The following MKLN1 variants were observed in gnomAD, a reference collection of about 807,000 sequenced individuals.
The protein encoded by MKLN1 is muskelin.
A neutral mutation model predicts 99.0 loss-of-function variants in MKLN1; 18 were observed. The ratio of observed to expected loss-of-function variants is 0.18; its 90% CI spans 0.13 to 0.27. MKLN1 has a LOEUF of 0.27. Ranked by LOEUF, MKLN1 falls within the 10% of genes least tolerant of loss-of-function variation. The pLI is 1.00. For missense variants in MKLN1, 621 were observed against 875.9 expected, an observed-to-expected ratio of 0.71 and a Z score of 3.67; for synonymous variants, 288 against 293.2, an observed-to-expected ratio of 0.98 and a Z score of 0.18.
chr7:131,351,723 A>G (rs1799724978), intron 1 of MKLN1, among the ~76,000 whole-genome samples: 1 of 152,092 alleles, frequency 6.6e-6, no homozygotes, highest in African/African-American at 2.4e-5. Context: ...ATTGGCCTCC[A>G]TCAGTTTTTT....
chr7:131,480,291 A>T (rs1446777644), intron 17 of MKLN1, among the ~76,000 whole-genome samples: 1 of 152,200 alleles, frequency 6.6e-6, no homozygotes, highest in Non-Finnish European at 1.5e-5. Context: ...TGTAATATAA[A>T]TACTATTTTT....
At chr7:131,271,347 G>A (rs534886091) in intron 3 of MKLN1, among the ~76,000 whole-genome samples, 13 of 152,276 alleles carry the variant, frequency 8.5e-5, no homozygotes, top group South Asian at 2.1e-4. Flanking sequence ...GGCCTGGCAC[G>A]GTGGCTCATG....
At chr7:131,399,207 C>G in intron 5 of MKLN1, 34 bp from the exon 6 acceptor site, 1 of 1,577,476 alleles carries the variant, frequency 6.3e-7, no homozygotes, top group Non-Finnish European at 8.7e-7. Context: ...CTAACCAAAT[C>G]TCTTCTTTCC....
chr7:131,278,908 T>C (rs1798011774), intron 3 of MKLN1, among the ~76,000 whole-genome samples: 1 of 152,206 alleles, frequency 6.6e-6, no homozygotes, highest in African/African-American at 2.4e-5. Flanking sequence ...CTATGAGGTA[T>C]GTTTTTGCAT....
In MKLN1 at chr7:131,225,495, C is replaced by T. The variant is rs575541976; in HGVS notation, c.-179+22521C>T. On this transcript the variant is annotated intron_variant, in intron 3 of 7. Coordinates refer to the MKLN1 transcript ENST00000416992. ...AGCCACCTCATATTTTTATATGCAT[C>T]TAAAACCGGCCCTAATGTCAGTGTC... Among the ~76,000 whole-genome samples, 9 of 152,300 alleles carry T rather than the reference C, an allele frequency of 5.9e-5. No individual in the cohort carries two copies. In the South Asian group the frequency reaches 1.7e-3, roughly 28 times the overall value.
At chr7:131,402,149 T>G (rs1259927434) in intron 6 of MKLN1, among the ~76,000 whole-genome samples, 5 of 152,200 alleles carry the variant, frequency 3.3e-5, no homozygotes, top group Non-Finnish European at 7.4e-5. Context: ...TGCTGCTGCT[T>G]TATCAGCTAA....
chr7:131,258,073 A>T (rs1258181922), intron 3 of MKLN1, among the ~76,000 whole-genome samples: 1 of 151,386 alleles, frequency 6.6e-6, no homozygotes, highest in Non-Finnish European at 1.5e-5. Context: ...GTGAGCCATG[A>T]TCATGCCACT....
intron 1 of MKLN1, among the ~76,000 whole-genome samples, chr7:131,371,645 G>C (rs1170356872): frequency 6.6e-6 from 1 of 151,856 alleles, no homozygotes; most frequent in South Asian, 2.1e-4. Flanking sequence ...CATTTTTCAG[G>C]TTATGACACG....
rs912994682 is a variant in MKLN1 at position 131,494,392 on chromosome 7, T to C, written c.*6664T>C. The C allele has an allele frequency of 6.6e-6, 1 of 152,332 alleles. No homozygotes were observed. Among genetic ancestry groups the C allele is most frequent in the South Asian group, 2.1e-4 (1 of 4,834 alleles). 9.4% of individuals were successfully genotyped at this position (152,332 alleles called of 1,614,324 possible). A position where few individuals can be genotyped will look rare whatever the true frequency, so the allele number is the denominator to read the frequency against. On this transcript the variant is annotated 3_prime_UTR_variant, in exon 18 of 18. Coordinates refer to ENST00000352689, the MANE Select transcript of MKLN1 (RefSeq NM_013255.5). The stretch of plus-strand genomic sequence containing the variant: ...AGAGGATCCTACACCATTAGAGCCA[T>C]GCCATCAGGTGTTTGCAAGTGACAG...
At chr7:131,438,883 CTTTA>C (rs1260279868) in intron 10 of MKLN1, among the ~76,000 whole-genome samples, 2 of 151,740 alleles carry the variant, frequency 1.3e-5, no homozygotes, top group Non-Finnish European at 2.9e-5. Context: ...AACCCAGGGT[CTTTA>C]TTTATTGTGT....
At chr7:131,156,914 C>T (rs1324818000) in intron 2 of MKLN1, among the ~76,000 whole-genome samples, 3 of 151,982 alleles carry the variant, frequency 2.0e-5, no homozygotes, top group Non-Finnish European at 4.4e-5. Flanking sequence ...GTGACTTGCC[C>T]CCAGGTAATC....
chr7:131,350,102 C>T (rs1294270157), intron 1 of MKLN1, among the ~76,000 whole-genome samples: 1 of 152,044 alleles, frequency 6.6e-6, no homozygotes, highest in Non-Finnish European at 1.5e-5. Flanking sequence ...TTTGTACCCA[C>T]CTCTCTTTCT....
At chr7:131,166,000 G>A (rs1316235209) in intron 2 of MKLN1, among the ~76,000 whole-genome samples, 4 of 152,066 alleles carry the variant, frequency 2.6e-5, no homozygotes, top group South Asian at 2.1e-4. Context: ...CTGTGGTTCC[G>A]GCTGTGCAGG....
chr7:131,418,774 C>T (rs1795101066), intron 8 of MKLN1, among the ~76,000 whole-genome samples: 1 of 152,062 alleles, frequency 6.6e-6, no homozygotes, highest in African/African-American at 2.4e-5. Context: ...ACTGGTGAGA[C>T]AATTAGGTTT....
At chr7:131,415,069 G>A (rs1265065280) in intron 8 of MKLN1, among the ~76,000 whole-genome samples, 1 of 150,916 alleles carries the variant, frequency 6.6e-6, no homozygotes, top group Non-Finnish European at 1.5e-5. Flanking sequence ...GCTAAAAACT[G>A]TTCACAAGCC....
At chr7:131,316,172 CAG>C (rs1023359255) in intron 3 of MKLN1, among the ~76,000 whole-genome samples, 2 of 152,218 alleles carry the variant, frequency 1.3e-5, no homozygotes, top group African/African-American at 4.8e-5. Flanking sequence ...AACCTCCCAA[CAG>C]GGGTTGACAG....
At chr7:131,454,793 A>G (rs1796286314) in intron 12 of MKLN1, among the ~76,000 whole-genome samples, 2 of 152,200 alleles carry the variant, frequency 1.3e-5, no homozygotes, top group Non-Finnish European at 2.9e-5. Flanking sequence ...CAGTAGAGAG[A>G]TGCTGAAAGA....
intron 10 of MKLN1, among the ~76,000 whole-genome samples, chr7:131,442,206 G>T (rs1328673616): frequency 6.6e-6 from 1 of 152,160 alleles, no homozygotes; most frequent in South Asian, 2.1e-4. Context: ...ATTAGGAGAT[G>T]TTAGAATCTT....
intron 6 of MKLN1, among the ~76,000 whole-genome samples, chr7:131,410,650 G>T (rs956569524): frequency 2.0e-5 from 3 of 152,130 alleles, no homozygotes; most frequent in Non-Finnish European, 4.4e-5. Flanking sequence ...TTGGGGGAAA[G>T]AGATTAGGAT....
Sources: gnomAD v4.1 joint callset for allele counts (sites outside exome capture counted in the v4.1 genomes callset) on GRCh38, gnomAD v4.1.1 for gene constraint, MANE v1.5 for transcripts, NCBI Gene and HGNC (gene_info 2026-07-23, HGNC 2026-07-21) for gene names.